SLC28A1: variants seen among roughly 807,000 people sequenced by gnomAD.
SLC28A1 encodes sodium/nucleoside cotransporter 1.
Under a neutral mutation model 74.8 loss-of-function variants are expected in SLC28A1, and 64 were observed. That is an observed-to-expected ratio of 0.86 (90% confidence interval 0.70 to 1.05). The LOEUF (loss-of-function observed/expected upper bound fraction) is 1.05. SLC28A1 is among the 50% of genes least tolerant of loss of function. The pLI is 0.00. For missense variants in SLC28A1, 828 were observed against 822.8 expected, an observed-to-expected ratio of 1.01 and a Z score of -0.08; for synonymous variants, 359 against 335.0, an observed-to-expected ratio of 1.07 and a Z score of -0.78.
intron 8 of SLC28A1, 85 bp from the exon 9 acceptor site, chr15:84,908,632 AC>A: frequency 8.4e-7 from 1 of 1,188,226 alleles, no homozygotes; most frequent in Non-Finnish European, 1.2e-6. Flanking sequence ...CCCTGGGCCA[AC>A]CCGCCTGTCT....
chr15:84,895,476 G>A (rs1965892006), intron 6 of SLC28A1: 1 of 1,610,588 alleles, frequency 6.2e-7, no homozygotes, highest in Admixed American at 1.7e-5. Flanking sequence ...TCCCTGGAGG[G>A]GGATTCAGCA....
chr15:84,904,360 G>C, intron 7 of SLC28A1, 122 bp downstream of exon 7: 1 of 1,398,488 alleles, frequency 7.2e-7, no homozygotes, highest in Non-Finnish European at 1.0e-6. Context: ...GAGGCTCAGG[G>C]CCTGGAGAAG....
intron 6 of SLC28A1, chr15:84,895,825 T>C: frequency 9.1e-7 from 1 of 1,094,014 alleles, no homozygotes; most frequent in Non-Finnish European, 1.1e-6. Flanking sequence ...ATACTCTATT[T>C]TGTTGATGAA....
chr15:84,972,615 G>T, the SLC28A1 span, among the ~76,000 whole-genome samples: 5 of 152,172 alleles, frequency 3.3e-5, no homozygotes, highest in Non-Finnish European at 5.9e-5. Flanking sequence ...TTTGCAACAA[G>T]CTCCTAGGCC....
At chr15:84,919,627 C>T (rs1189792440) in intron 10 of SLC28A1, among the ~76,000 whole-genome samples, 2 of 152,126 alleles carry the variant, frequency 1.3e-5, no homozygotes, top group African/African-American at 2.4e-5. Flanking sequence ...ACAGAGAGAT[C>T]AGGGCCAAAC....
At chr15:84,958,223 T>C in the SLC28A1 span, among the ~76,000 whole-genome samples, 1 of 152,220 alleles carries the variant, frequency 6.6e-6, no homozygotes, top group Admixed American at 6.5e-5. Context: ...GTCCTATATC[T>C]GATTCCCTCT....
the SLC28A1 span, among the ~76,000 whole-genome samples, chr15:84,968,107 G>T: frequency 1.3e-5 from 2 of 152,100 alleles, no homozygotes; most frequent in Non-Finnish European, 2.9e-5. Flanking sequence ...AGGTAAGCAG[G>T]GCTGGGCTAT....
In SLC28A1 at chr15:84,890,495, C is replaced by T. The variant is rs775172886; in HGVS notation, c.238C>T (p.Gln80Ter). The T allele has an allele frequency of 3.7e-6, 6 of 1,611,266 alleles. No individual in the cohort carries two copies. The African/African-American group carries it at 5.3e-5, about 14-fold the overall frequency. The change falls in exon 5 of 19, where the codon CAG becomes TAG. Residue 80 changes from glutamine (Q) to a stop codon, truncating the protein, a stop_gained. Transcript: ENST00000394573. LOFTEE classifies it high-confidence loss of function. ...CAGAAGCTTCTGCAGGGAGCACATG[C>T]AGCTGTTTCGATGGATCGGCACAGG... is the stretch of plus-strand genomic sequence containing the variant. The part of the protein sequence containing the change: ...RARSFCREHM[Q>*]LFRWIGTGLL...
chr15:84,944,862 C>G lies in SLC28A1; in HGVS notation c.1869C>G (p.Phe623Leu), dbSNP rs766898734. The change falls in exon 18 of 19, where the codon TTC becomes TTG. Residue 623 changes from phenylalanine (F) to leucine (L), a missense_variant. Coordinates refer to ENST00000394573, the MANE Select transcript of SLC28A1 (RefSeq NM_004213.5). ...FEIYQCCREA[F>L]QSVNPEFSPE... is the part of the protein sequence containing the mutation. Reference sequence around the variant, plus strand: ...TTTACCAGTGCTGCCGTGAGGCCTTCCAGAGGTGAGGGCCTGGGCTGTGGG... The same window carrying G: ...TTTACCAGTGCTGCCGTGAGGCCTTGCAGAGGTGAGGGCCTGGGCTGTGGG... 6.2e-7 allele frequency: 1 copy of G among 1,609,430 alleles called. No individual in the cohort carries two copies. Among genetic ancestry groups the G allele is most frequent in the Admixed American group, 1.7e-5 (1 of 60,012 alleles).
At chr15:84,951,413 G>T in the SLC28A1 span, among the ~76,000 whole-genome samples, 1 of 146,114 alleles carries the variant, frequency 6.8e-6, no homozygotes, top group East Asian at 2.0e-4. Context: ...GTGACAGAGC[G>T]AGACCCTGTC....
the SLC28A1 span, chr15:84,975,552 C>T: frequency 1.1e-5 from 5 of 456,202 alleles, no homozygotes; most frequent in East Asian, 6.9e-5. Context: ...GGAGTGTTTT[C>T]GTGCTTCATT....
At chr15:84,911,305 C>G (rs980640570) in intron 9 of SLC28A1, among the ~76,000 whole-genome samples, 1 of 152,208 alleles carries the variant, frequency 6.6e-6, no homozygotes, top group Non-Finnish European at 1.5e-5. Flanking sequence ...TCATGGATTC[C>G]TTGACCATTG....
At chr15:84,965,155 G>A in the SLC28A1 span, among the ~76,000 whole-genome samples, 7 of 152,210 alleles carry the variant, frequency 4.6e-5, no homozygotes, top group Non-Finnish European at 8.8e-5. Flanking sequence ...TCTCATGATA[G>A]TGAGTTGAGT....
intron 15 of SLC28A1, among the ~76,000 whole-genome samples, chr15:84,941,726 G>T (rs567991967): frequency 4.6e-5 from 7 of 152,134 alleles, no homozygotes; most frequent in African/African-American, 1.7e-4. Flanking sequence ...AGAAAACTTA[G>T]CCAGGTGTGG....
chr15:84,887,838 T>G lies in SLC28A1; in HGVS notation c.78T>G (p.Ala26=). Residue 26 remains alanine (A), a synonymous_variant, in exon 3 of 19, where the codon GCT becomes GCG. Coordinates refer to ENST00000394573, the MANE Select transcript of SLC28A1 (RefSeq NM_004213.5). ...CCAAGGGTCTGGAGAACATGGGGGC[T>G]GATTTCTTGGAAAGCCTGGTCTGTA... ...PVAKGLENMG[A]DFLESLEEGQ... The G allele has an allele frequency of 1.2e-6, 2 of 1,613,490 alleles. No homozygotes were observed. The highest frequency in any genetic ancestry group is 1.1e-5 in the South Asian group (1 of 91,064).
chr15:84,958,253 T>C, the SLC28A1 span, among the ~76,000 whole-genome samples: 1 of 152,216 alleles, frequency 6.6e-6, no homozygotes, highest in Non-Finnish European at 1.5e-5. Context: ...ATGTTCCTTC[T>C]GGAACCCTGT....
intron 11 of SLC28A1, among the ~76,000 whole-genome samples, chr15:84,923,083 A>G (rs1177112629): frequency 6.6e-6 from 1 of 152,126 alleles, no homozygotes; most frequent in African/African-American, 2.4e-5. Context: ...GATTACTGAC[A>G]TGTGTCAGCA....
intron 10 of SLC28A1, among the ~76,000 whole-genome samples, chr15:84,919,851 C>A (rs1253328621): frequency 6.6e-6 from 1 of 152,104 alleles, no homozygotes; most frequent in Non-Finnish European, 1.5e-5. Flanking sequence ...CAAACCATAG[C>A]AGTTATGTTA....
At chr15:84,961,042 C>T in the SLC28A1 span, among the ~76,000 whole-genome samples, 1 of 152,126 alleles carries the variant, frequency 6.6e-6, no homozygotes, top group Non-Finnish European at 1.5e-5. Context: ...TTCTTCACAT[C>T]CCTGTGTGTC....
Sources: gnomAD v4.1 joint callset for allele counts (sites outside exome capture counted in the v4.1 genomes callset) on GRCh38, gnomAD v4.1.1 for gene constraint, MANE v1.5 for transcripts, NCBI Gene and HGNC (gene_info 2026-07-23, HGNC 2026-07-21) for gene names.